RPH3A: variants seen among roughly 807,000 people sequenced by gnomAD.
The protein encoded by RPH3A is rabphilin 3A.
In RPH3A, 48 loss-of-function variants were observed where a neutral mutation model predicts 102.2. That is an observed-to-expected ratio of 0.47 (90% confidence interval 0.37 to 0.60). RPH3A has a LOEUF of 0.60. Among genes scored for constraint, RPH3A ranks in the 20% least tolerant of loss-of-function variants. RPH3A has a pLI of 0.00. For missense variants in RPH3A, 781 were observed against 910.1 expected (o/e 0.86, Z 1.83); for synonymous variants, 310 against 324.3 (o/e 0.96, Z 0.47).
intron 1 of RPH3A, among the ~76,000 whole-genome samples, chr12:112,748,700 A>C (rs916484223): frequency 6.6e-6 from 1 of 152,096 alleles, no homozygotes. Flanking sequence ...GGGATTTTTA[A>C]GCTTCCTAGA....
chr12:112,854,517 T>C (rs1395897863), intron 5 of RPH3A, among the ~76,000 whole-genome samples: 2 of 152,254 alleles, frequency 1.3e-5, no homozygotes, highest in African/African-American at 4.8e-5. Context: ...CAGAGAGGTT[T>C]AGCAGCTTGC....
chr12:112,769,833 TA>T (rs2136071666), intron 1 of RPH3A, among the ~76,000 whole-genome samples: 1 of 152,326 alleles, frequency 6.6e-6, no homozygotes, highest in African/African-American at 2.4e-5. Flanking sequence ...TACATTCTTA[TA>T]AAAAATGAGA....
intron 1 of RPH3A, among the ~76,000 whole-genome samples, chr12:112,760,671 A>G (rs1272435267): frequency 6.6e-6 from 1 of 152,236 alleles, no homozygotes; most frequent in Non-Finnish European, 1.5e-5. Flanking sequence ...ATGTTTACTC[A>G]GTGGCATGGG....
intron 19 of RPH3A, 29 bp downstream of exon 19, chr12:112,891,032 G>A (rs745909866): frequency 1.2e-6 from 2 of 1,612,766 alleles, no homozygotes; most frequent in East Asian, 4.5e-5. Context: ...GCTACAGGTG[G>A]GCCCTGAAGG....
At chr12:112,587,766 G>C (rs2039449064) in intron 1 of RPH3A, among the ~76,000 whole-genome samples, 1 of 152,192 alleles carries the variant, frequency 6.6e-6, no homozygotes, top group East Asian at 1.9e-4. Flanking sequence ...GTAGGAACTA[G>C]AGCTGTGTTT....
chr12:112,712,045 T>C (rs1042918340), intron 1 of RPH3A, among the ~76,000 whole-genome samples: 1 of 152,148 alleles, frequency 6.6e-6, no homozygotes, highest in Non-Finnish European at 1.5e-5. Context: ...TTGGTCAGGT[T>C]GGTCTCAAAC....
At chr12:112,674,361 G>GC (rs545049568) in intron 1 of RPH3A, among the ~76,000 whole-genome samples, 211 of 152,292 alleles carry the variant, frequency 1.4e-3, no homozygotes, top group African/African-American at 4.9e-3. Context: ...ACAAAGAGGA[G>GC]CCTCTGAGAT....
chr12:112,683,944 A>C (rs2040244734), intron 1 of RPH3A, among the ~76,000 whole-genome samples: 1 of 152,174 alleles, frequency 6.6e-6, no homozygotes, highest in Non-Finnish European at 1.5e-5. Context: ...GAGCTGTTTA[A>C]AAGGCTATTT....
At chr12:112,891,545 C>A (rs1042634595) in intron 19 of RPH3A, among the ~76,000 whole-genome samples, 1 of 152,152 alleles carries the variant, frequency 6.6e-6, no homozygotes, top group Non-Finnish European at 1.5e-5. Flanking sequence ...GGGGAAATGC[C>A]CATTCCAGGA....
At chr12:112,690,121 C>T (rs2040295188) in intron 1 of RPH3A, among the ~76,000 whole-genome samples, 1 of 152,160 alleles carries the variant, frequency 6.6e-6, no homozygotes, top group Admixed American at 6.5e-5. Flanking sequence ...GTTTTTCCTT[C>T]CATTTAAGTA....
chr12:112,814,505 G>C (rs1452380049), intron 2 of RPH3A, among the ~76,000 whole-genome samples: 3 of 152,168 alleles, frequency 2.0e-5, no homozygotes, highest in Non-Finnish European at 4.4e-5. Context: ...TGGTTAGAAA[G>C]CTGTTTCTTA....
At chr12:112,667,697 AG>A (rs2040096621) in intron 1 of RPH3A, among the ~76,000 whole-genome samples, 1 of 150,848 alleles carries the variant, frequency 6.6e-6, no homozygotes, top group Non-Finnish European at 1.5e-5. Context: ...AGAGAGAGAG[AG>A]AGAGAGAGAG....
intron 1 of RPH3A, among the ~76,000 whole-genome samples, chr12:112,637,107 G>A (rs981516347): frequency 3.3e-5 from 5 of 152,028 alleles, no homozygotes; most frequent in Non-Finnish European, 7.4e-5. Flanking sequence ...AGCATAATAT[G>A]CAGAGTATTT....
chr12:112,674,269 G>T (rs911462379), intron 1 of RPH3A, among the ~76,000 whole-genome samples: 53 of 152,168 alleles, frequency 3.5e-4, no homozygotes, highest in African/African-American at 1.2e-3. Flanking sequence ...TGTTGCTCAG[G>T]CTGGCATTTT....
chr12:112,701,145 T>A (rs749185661), intron 1 of RPH3A, among the ~76,000 whole-genome samples: 22 of 152,188 alleles, frequency 1.4e-4, no homozygotes, highest in Non-Finnish European at 2.9e-4. Context: ...TTATCTCTTT[T>A]AAAAATTGAT....
chr12:112,615,347 G>T (rs2039670577), intron 1 of RPH3A, among the ~76,000 whole-genome samples: 1 of 152,016 alleles, frequency 6.6e-6, no homozygotes, highest in African/African-American at 2.4e-5. Flanking sequence ...ACCTCCTTGG[G>T]GCCTCCAGTG....
At chr12:112,675,507 AG>A (rs1283176861) in intron 1 of RPH3A, among the ~76,000 whole-genome samples, 15 of 152,222 alleles carry the variant, frequency 9.9e-5, no homozygotes, top group African/African-American at 3.1e-4. Context: ...GAGACATAAG[AG>A]GCTTAAATGA....
At chr12:112,882,856 C>T (rs2042937792) in intron 15 of RPH3A, among the ~76,000 whole-genome samples, 1 of 152,218 alleles carries the variant, frequency 6.6e-6, no homozygotes, top group African/African-American at 2.4e-5. Context: ...CTAGCTTTCT[C>T]TTAGAGTAAA....
At chr12:112,682,351 C>CT (rs1314037530) in intron 1 of RPH3A, among the ~76,000 whole-genome samples, 35 of 77,686 alleles carry the variant, frequency 4.5e-4, no homozygotes, top group African/African-American at 1.2e-3. Context: ...TTTTTTCTTT[C>CT]TTTCTTTTTT....
Sources: gnomAD v4.1 joint callset for allele counts (sites outside exome capture counted in the v4.1 genomes callset) on GRCh38, gnomAD v4.1.1 for gene constraint, MANE v1.5 for transcripts, NCBI Gene and HGNC (gene_info 2026-07-23, HGNC 2026-07-21) for gene names.